MEI4: variants seen among roughly 807,000 people sequenced by gnomAD.
MEI4 encodes the protein meiosis-specific protein MEI4.
A neutral mutation model predicts 31.4 loss-of-function variants in MEI4; 27 were observed. The observed-to-expected ratio is 0.86, with a 90% confidence interval of 0.63 to 1.19. MEI4 has a LOEUF of 1.19. Among genes scored for constraint, MEI4 ranks in the 50% most tolerant of loss-of-function variants. The pLI is 0.00. For missense variants in MEI4, 329 were observed against 398.9 expected (o/e 0.82, Z 1.49); for synonymous variants, 122 against 145.4 (o/e 0.84, Z 1.16).
At position 77,923,343 on chromosome 6, in the gene MEI4, A is replaced by ATAAC. The variant is rs1337753342; in HGVS notation, c.1157_*2dup. 7.3e-6 allele frequency: 9 copies of ATAAC among 1,229,640 alleles called. No homozygotes were observed. The Admixed American group carries it at 1.3e-4, about 17-fold the overall frequency. 76.2% of individuals were successfully genotyped at this position (1,229,640 alleles called of 1,614,324 possible). ...CAGCACAGATAGAAACTCTTAGAAA[A>ATAAC]TAACTCCATTCCTTAGCAATTTACC... On this transcript the variant is annotated frameshift_variant and stop_retained_variant, in exon 5 of 5. Transcript: ENST00000684080. LOFTEE classifies it high-confidence loss of function.
At chr6:77,746,859 C>T (rs1200967214) in intron 2 of MEI4, among the ~76,000 whole-genome samples, 1 of 151,988 alleles carries the variant, frequency 6.6e-6, no homozygotes, top group Non-Finnish European at 1.5e-5. Context: ...AAATGGACAA[C>T]ACGTAGGGCA....
In MEI4 at chr6:77,926,376, A is replaced by G. The variant is rs563654219; in HGVS notation, c.*3030A>G. 1 of 152,086 alleles carries G rather than the reference A, an allele frequency of 6.6e-6. No individual in the cohort carries two copies. The highest frequency in any genetic ancestry group is 2.1e-4 in the South Asian group (1 of 4,828). The allele number at this position is 152,086 out of a possible 1,614,324, so 9.4% of individuals were successfully genotyped here. ...AAGTTACAGATTGTCTTCAAACGATAATGTCCTAAAAGGTACAGAGCTCCC... is the reference window on the plus strand; with the variant it reads ...AAGTTACAGATTGTCTTCAAACGATGATGTCCTAAAAGGTACAGAGCTCCC... On this transcript the variant is annotated 3_prime_UTR_variant, in exon 5 of 5. Transcript: ENST00000684080.
chr6:77,912,340 T>C (rs544009212), intron 4 of MEI4, among the ~76,000 whole-genome samples: 144 of 152,198 alleles, frequency 9.5e-4, no homozygotes, highest in African/African-American at 3.3e-3. Context: ...AATTTTAGGA[T>C]TGTTTCTATT....
chr6:77,812,587 T>C (rs1190006165), intron 3 of MEI4, among the ~76,000 whole-genome samples: 1 of 152,248 alleles, frequency 6.6e-6, no homozygotes, highest in East Asian at 1.9e-4. Flanking sequence ...TAAGTGATCA[T>C]GGGTGATACA....
chr6:77,659,018 C>T (rs1768451017), intron 1 of MEI4, among the ~76,000 whole-genome samples: 2 of 152,032 alleles, frequency 1.3e-5, no homozygotes, highest in Admixed American at 6.6e-5. Flanking sequence ...TTTTGGAGGA[C>T]AACTGCAGCT....
chr6:77,678,554 A>ACAATGTTATAGCCCAACACATTGCGTAC (rs58196034), intron 1 of MEI4, among the ~76,000 whole-genome samples: 1 of 151,934 alleles, frequency 6.6e-6, no homozygotes, highest in African/African-American at 2.4e-5. Context: ...AGGAGCCATC[A>ACAATGTTATAGCCCAACACATTGCGTAC]ATGTTTGTGG....
rs190852238 is a variant in MEI4 at position 77,834,435 on chromosome 6, C to T, written c.900+5373C>T. Among the ~76,000 whole-genome samples, 33 of 145,154 alleles carry T rather than the reference C, an allele frequency of 2.3e-4. No individual in the cohort carries two copies. In the East Asian group the frequency reaches 6.3e-3, roughly 28 times the overall value. On this transcript the variant is annotated intron_variant, in intron 4 of 4. Transcript: ENST00000684080. Reference sequence around the variant, plus strand: ...TATTATATATTTATAGATTATATGTCGTATAAAATAATTTTATAATATAAA... The same window carrying T: ...TATTATATATTTATAGATTATATGTTGTATAAAATAATTTTATAATATAAA...
chr6:77,828,319 AG>A (rs1770003165), intron 3 of MEI4, among the ~76,000 whole-genome samples: 1 of 151,532 alleles, frequency 6.6e-6, no homozygotes, highest in African/African-American at 2.4e-5. Flanking sequence ...AGTGAGCAGC[AG>A]GGGAGCTAGC....
At chr6:77,783,365 T>C (rs2127691991) in intron 3 of MEI4, among the ~76,000 whole-genome samples, 1 of 152,330 alleles carries the variant, frequency 6.6e-6, no homozygotes, top group Admixed American at 6.5e-5. Flanking sequence ...CTTGTTTTAC[T>C]TTACAGAGGT....
intron 2 of MEI4, among the ~76,000 whole-genome samples, chr6:77,692,408 G>C (rs893378458): frequency 6.6e-6 from 1 of 151,972 alleles, no homozygotes; most frequent in African/African-American, 2.4e-5. Context: ...TTGTTGCCCA[G>C]CTCAAAGCCT....
intron 4 of MEI4, among the ~76,000 whole-genome samples, chr6:77,845,912 G>T: frequency 6.7e-6 from 1 of 149,140 alleles, no homozygotes; most frequent in Non-Finnish European, 1.5e-5. Flanking sequence ...TTAAGCTGAA[G>T]AAACATTTTA....
intron 2 of MEI4, among the ~76,000 whole-genome samples, chr6:77,726,623 G>A (rs998620750): frequency 6.6e-6 from 1 of 152,062 alleles, no homozygotes; most frequent in African/African-American, 2.4e-5. Flanking sequence ...TTAAACAGAG[G>A]GGAGACATTA....
chr6:77,913,414 G>T lies in MEI4; in HGVS notation c.901-9675G>T, dbSNP rs541392369. Reference sequence around the variant, plus strand: ...TTCAACAGTGAAGCCATCCAGTCCTGAACTTTTTGTGTTGTTAGAAGATGT... The same window carrying T: ...TTCAACAGTGAAGCCATCCAGTCCTTAACTTTTTGTGTTGTTAGAAGATGT... On this transcript the variant is annotated intron_variant, in intron 4 of 4. Transcript: ENST00000684080. 3.7e-4 allele frequency among the ~76,000 whole-genome samples: 57 copies of T among 152,212 alleles called. 3 individuals are homozygous for T. The South Asian group carries it at 0.012, about 31-fold the overall frequency.
At chr6:77,799,200 T>C (rs1769173462) in intron 3 of MEI4, among the ~76,000 whole-genome samples, 1 of 152,054 alleles carries the variant, frequency 6.6e-6, no homozygotes, top group African/African-American at 2.4e-5. Flanking sequence ...TGGTGTGAGA[T>C]GGTATCTCAT....
chr6:77,919,731 A>G (rs1485965478), intron 4 of MEI4, among the ~76,000 whole-genome samples: 2 of 150,202 alleles, frequency 1.3e-5, no homozygotes, highest in Non-Finnish European at 3.0e-5. Flanking sequence ...GAAAGGATCA[A>G]CAAAATTGAT....
At chr6:77,656,484 T>A (rs1768397625) in intron 1 of MEI4, among the ~76,000 whole-genome samples, 1 of 152,186 alleles carries the variant, frequency 6.6e-6, no homozygotes, top group African/African-American at 2.4e-5. Flanking sequence ...TACTTTATGT[T>A]CTATTATTCA....
intron 3 of MEI4, among the ~76,000 whole-genome samples, chr6:77,795,238 G>T (rs1332178541): frequency 6.6e-6 from 1 of 152,158 alleles, no homozygotes; most frequent in Non-Finnish European, 1.5e-5. Flanking sequence ...AATGAAATTA[G>T]AAAGATGATA....
At chr6:77,889,743 A>G (rs1383095871) in intron 4 of MEI4, among the ~76,000 whole-genome samples, 1 of 152,158 alleles carries the variant, frequency 6.6e-6, no homozygotes, top group Non-Finnish European at 1.5e-5. Flanking sequence ...TAGAAGAGAA[A>G]AATGGTTTTG....
chr6:77,859,050 G>A (rs981045683), intron 4 of MEI4, among the ~76,000 whole-genome samples: 1 of 152,118 alleles, frequency 6.6e-6, no homozygotes, highest in African/African-American at 2.4e-5. Context: ...AGGCCCTGAT[G>A]TGTGTTGTTC....
Sources: gnomAD v4.1 joint callset for allele counts (sites outside exome capture counted in the v4.1 genomes callset) on GRCh38, gnomAD v4.1.1 for gene constraint, MANE v1.5 for transcripts, NCBI Gene and HGNC (gene_info 2026-07-23, HGNC 2026-07-21) for gene names.